Variants in NBAS observed in about 807,000 individuals in gnomAD.
NBAS encodes the protein NBAS subunit of NRZ tethering complex.
NBAS carries 219 observed loss-of-function variants against 302.5 expected under a neutral mutation model. The ratio of observed to expected loss-of-function variants is 0.72; its 90% CI spans 0.65 to 0.81. NBAS has a LOEUF of 0.81. Ranked by LOEUF, NBAS falls within the 30% of genes least tolerant of loss-of-function variation. NBAS has a pLI of 0.00. For missense variants in NBAS, 2,932 were observed against 2,841.6 expected (o/e 1.03, Z -0.72); for synonymous variants, 1,118 against 1,021.6 (o/e 1.09, Z -1.80).
intron 21 of NBAS, among the ~76,000 whole-genome samples, chr2:15,451,252 A>T (rs1410044950): frequency 1.3e-5 from 2 of 152,058 alleles, no homozygotes; most frequent in Non-Finnish European, 2.9e-5. Context: ...GCGTCTTACT[A>T]CATTGCCCAG....
intron 48 of NBAS, among the ~76,000 whole-genome samples, chr2:15,213,305 T>G (rs1275317695): frequency 6.6e-6 from 1 of 152,244 alleles, no homozygotes; most frequent in African/African-American, 2.4e-5. Flanking sequence ...CATATTGCCC[T>G]GTTCAAACAA....
chr2:15,438,532 G>A (rs548324213), intron 21 of NBAS, among the ~76,000 whole-genome samples: 1 of 152,140 alleles, frequency 6.6e-6, no homozygotes, highest in African/African-American at 2.4e-5. Context: ...AACAAAAATA[G>A]ACAGCAGGAC....
intron 51 of NBAS, among the ~76,000 whole-genome samples, chr2:15,171,918 A>G (rs1664314644): frequency 6.6e-6 from 1 of 152,252 alleles, no homozygotes; most frequent in African/African-American, 2.4e-5. Flanking sequence ...ACACCTTGAC[A>G]TCAGACTTCT....
intron 44 of NBAS, among the ~76,000 whole-genome samples, chr2:15,253,496 T>C (rs1292117251): frequency 6.6e-6 from 1 of 152,122 alleles, no homozygotes; most frequent in Non-Finnish European, 1.5e-5. Flanking sequence ...CTTGGGCCAG[T>C]GGTCTCCAAA....
At chr2:15,203,584 A>T (rs990404945) in intron 48 of NBAS, among the ~76,000 whole-genome samples, 3 of 152,182 alleles carry the variant, frequency 2.0e-5, no homozygotes, top group Non-Finnish European at 2.9e-5. Flanking sequence ...TCCAAATATA[A>T]AATAGAATGA....
chr2:15,002,130 A>C, the NBAS span, among the ~76,000 whole-genome samples: 2 of 152,172 alleles, frequency 1.3e-5, no homozygotes, highest in Non-Finnish European at 2.9e-5. Flanking sequence ...AGGTTCTCCA[A>C]GTCCCCACCA....
chr2:15,002,231 A>T, the NBAS span, among the ~76,000 whole-genome samples: 1 of 152,086 alleles, frequency 6.6e-6, no homozygotes, highest in African/African-American at 2.4e-5. Flanking sequence ...CTTGAGCTAG[A>T]TAGAGAGTGC....
At chr2:14,781,746 C>CCAAAAA in the NBAS span, among the ~76,000 whole-genome samples, 1 of 135,884 alleles carries the variant, frequency 7.4e-6, no homozygotes, top group Non-Finnish European at 1.6e-5. Context: ...GCTATTGTGA[C>CCAAAAA]AAAAAAAAAA....
At chr2:15,495,470 GA>G (rs940531835) in intron 11 of NBAS, among the ~76,000 whole-genome samples, 4 of 151,014 alleles carry the variant, frequency 2.6e-5, no homozygotes, top group East Asian at 1.9e-4. Context: ...ATTTTTAAGA[GA>G]AAAAAAAGAT....
At chr2:15,164,515 G>C (rs1231923075), downstream of NBAS, among the ~76,000 whole-genome samples, 1 of 152,240 alleles carries the variant, frequency 6.6e-6, no homozygotes, top group Non-Finnish European at 1.5e-5. Context: ...CACTTCGGCT[G>C]TCTGACTTCA....
intron 2 of NBAS, among the ~76,000 whole-genome samples, 170 bp downstream of exon 2, chr2:15,558,410 G>A (rs533191859): frequency 9.9e-5 from 15 of 151,992 alleles, no homozygotes; most frequent in South Asian, 2.1e-4. Flanking sequence ...ACGTGCATGC[G>A]TAAATATACA....
At chr2:15,059,678 G>A in the NBAS span, among the ~76,000 whole-genome samples, 1 of 152,148 alleles carries the variant, frequency 6.6e-6, no homozygotes, top group African/African-American at 2.4e-5. Context: ...CCAGAGAAAG[G>A]CAATCATGTT....
At chr2:15,002,879 A>G in the NBAS span, among the ~76,000 whole-genome samples, 2 of 152,192 alleles carry the variant, frequency 1.3e-5, no homozygotes, top group Admixed American at 6.5e-5. Flanking sequence ...CTGGCCCACA[A>G]GCGCCACGCG....
the NBAS span, among the ~76,000 whole-genome samples, chr2:15,131,199 A>G: frequency 6.6e-6 from 1 of 152,202 alleles, no homozygotes; most frequent in Non-Finnish European, 1.5e-5. Context: ...TAAATTTTAA[A>G]AAAATTTTAA....
chr2:15,301,469 A>G (rs1163645097), intron 40 of NBAS, among the ~76,000 whole-genome samples: 2 of 152,172 alleles, frequency 1.3e-5, no homozygotes, highest in Non-Finnish European at 2.9e-5. Context: ...TCTGTGACCA[A>G]AAATGGGGGA....
At chr2:15,349,841 G>A (rs188565283) in intron 35 of NBAS, among the ~76,000 whole-genome samples, 1 of 152,160 alleles carries the variant, frequency 6.6e-6, no homozygotes, top group East Asian at 1.9e-4. Flanking sequence ...TCCCTTAAGT[G>A]CACTAGTGAT....
At chr2:15,312,333 G>A (rs961490762) in intron 38 of NBAS, among the ~76,000 whole-genome samples, 1 of 152,130 alleles carries the variant, frequency 6.6e-6, no homozygotes, top group African/African-American at 2.4e-5. Context: ...GTAGTAGAAT[G>A]GGACAGTCTT....
At chr2:14,787,926 T>G in the NBAS span, among the ~76,000 whole-genome samples, 1 of 152,230 alleles carries the variant, frequency 6.6e-6, no homozygotes, top group South Asian at 2.1e-4. Context: ...TTTTCCAACT[T>G]GGTTCCATTC....
chr2:15,022,686 A>T, the NBAS span, among the ~76,000 whole-genome samples: 1,887 of 152,158 alleles, frequency 0.012, 41 homozygotes, highest in African/African-American at 0.044. Context: ...TATTTCTCTC[A>T]TCTCTACAAT....
Sources: gnomAD v4.1 joint callset for allele counts (sites outside exome capture counted in the v4.1 genomes callset) on GRCh38, gnomAD v4.1.1 for gene constraint, MANE v1.5 for transcripts, NCBI Gene and HGNC (gene_info 2026-07-23, HGNC 2026-07-21) for gene names.